The following FHIT variants were observed in gnomAD, a reference collection of about 807,000 sequenced individuals.
The protein encoded by FHIT is bis(5'-adenosyl)-triphosphatase.
FHIT carries 19 observed loss-of-function variants against 17.9 expected under a neutral mutation model. The ratio of observed to expected loss-of-function variants is 1.06; its 90% CI spans 0.74 to 1.56. The LOEUF is 1.56. Ranked by LOEUF, FHIT falls within the 40% of genes most tolerant of loss-of-function variation. The pLI is 0.00. For missense variants in FHIT, 248 were observed against 189.2 expected, an observed-to-expected ratio of 1.31 and a Z score of -1.82; for synonymous variants, 81 against 69.7, an observed-to-expected ratio of 1.16 and a Z score of -0.81.
intron 2 of FHIT, among the ~76,000 whole-genome samples, chr3:61,092,501 A>AT (rs1365167172): frequency 2.0e-4 from 30 of 150,460 alleles, no homozygotes; most frequent in Non-Finnish European, 3.8e-4. Context: ...TGTCCCTTAA[A>AT]AATATATATA....
At chr3:59,976,682 G>C (rs1274546448) in intron 7 of FHIT, among the ~76,000 whole-genome samples, 1 of 151,976 alleles carries the variant, frequency 6.6e-6, no homozygotes, top group Non-Finnish European at 1.5e-5. Context: ...AAATCAAATC[G>C]ATATTTGCCT....
At chr3:59,875,848 C>T (rs570057283) in intron 8 of FHIT, among the ~76,000 whole-genome samples, 4 of 151,682 alleles carry the variant, frequency 2.6e-5, no homozygotes, top group South Asian at 4.2e-4. Context: ...GCCAGCCATG[C>T]GTCAGCCATG....
chr3:61,076,213 G>A (rs939341360), intron 2 of FHIT, among the ~76,000 whole-genome samples: 10 of 152,170 alleles, frequency 6.6e-5, no homozygotes, highest in African/African-American at 2.2e-4. Context: ...AAAAACAAGC[G>A]ATGCAGAGGG....
intron 8 of FHIT, among the ~76,000 whole-genome samples, chr3:59,778,055 T>C (rs1268696349): frequency 6.6e-6 from 1 of 152,218 alleles, no homozygotes; most frequent in Non-Finnish European, 1.5e-5. Context: ...TGTGTTTAAT[T>C]GGTTTTTTCT....
chr3:60,011,988 C>T (rs1023073030), intron 6 of FHIT, among the ~76,000 whole-genome samples: 7 of 152,098 alleles, frequency 4.6e-5, no homozygotes, highest in African/African-American at 1.7e-4. Flanking sequence ...TAATATAAAG[C>T]AAAAGCAGAT....
chr3:59,934,307 T>C (rs923913433), intron 7 of FHIT, among the ~76,000 whole-genome samples: 1 of 152,130 alleles, frequency 6.6e-6, no homozygotes, highest in South Asian at 2.1e-4. Context: ...CATCCAAGTG[T>C]GATACTACTA....
chr3:60,814,032 A>G (rs1701652784), intron 4 of FHIT, among the ~76,000 whole-genome samples: 1 of 152,004 alleles, frequency 6.6e-6, no homozygotes, highest in Admixed American at 6.6e-5. Context: ...TTTTTTATAC[A>G]TTCTAATCAT....
intron 4 of FHIT, among the ~76,000 whole-genome samples, chr3:60,600,413 G>A (rs2038405401): frequency 6.6e-6 from 1 of 152,010 alleles, no homozygotes; most frequent in African/African-American, 2.4e-5. Context: ...AGTAAGGCAG[G>A]ATTACAGAAT....
intron 4 of FHIT, among the ~76,000 whole-genome samples, chr3:60,551,145 T>C (rs2036532683): frequency 6.6e-6 from 1 of 151,828 alleles, no homozygotes; most frequent in East Asian, 2.0e-4. Flanking sequence ...GAGTGTGGGG[T>C]GGAGCCTAAC....
intron 4 of FHIT, among the ~76,000 whole-genome samples, chr3:60,686,748 G>A (rs542573087): frequency 6.6e-5 from 10 of 152,082 alleles, no homozygotes; most frequent in African/African-American, 2.2e-4. Context: ...CAGTAGCTGG[G>A]GTTGCTCCAA....
At chr3:59,792,880 G>GGC (rs1009352326) in intron 8 of FHIT, among the ~76,000 whole-genome samples, 1 of 146,684 alleles carries the variant, frequency 6.8e-6, no homozygotes, top group African/African-American at 2.5e-5. Context: ...TTTGGGGGGG[G>GGC]GGGTCATGAA....
At chr3:60,189,848 G>C (rs1332256688) in intron 5 of FHIT, among the ~76,000 whole-genome samples, 1 of 152,164 alleles carries the variant, frequency 6.6e-6, no homozygotes, top group Non-Finnish European at 1.5e-5. Flanking sequence ...GAGTTGGTTG[G>C]TTAGGTTCTT....
intron 5 of FHIT, among the ~76,000 whole-genome samples, chr3:60,125,761 G>A (rs990082165): frequency 4.6e-5 from 7 of 152,048 alleles, no homozygotes; most frequent in Non-Finnish European, 1.0e-4. Flanking sequence ...AGACACTCGG[G>A]AGGACTGCAT....
intron 8 of FHIT, among the ~76,000 whole-genome samples, chr3:59,802,153 T>TA (rs1485007549): frequency 6.8e-6 from 1 of 147,238 alleles, no homozygotes; most frequent in African/African-American, 2.5e-5. Context: ...TTAAAAGATT[T>TA]AAAAAATAAT....
At chr3:61,079,352 T>C (rs1417321194) in intron 2 of FHIT, among the ~76,000 whole-genome samples, 1 of 152,138 alleles carries the variant, frequency 6.6e-6, no homozygotes, top group Non-Finnish European at 1.5e-5. Context: ...GAGGACACTA[T>C]AGTGTTTCTG....
intron 5 of FHIT, among the ~76,000 whole-genome samples, chr3:60,202,823 C>T (rs1255154229): frequency 2.0e-5 from 3 of 152,028 alleles, no homozygotes; most frequent in Non-Finnish European, 2.9e-5. Context: ...GCCATGACAA[C>T]CTGAGGCACA....
At position 60,091,651 on chromosome 3, in the gene FHIT, G is replaced by C. The variant is rs72880859; in HGVS notation, c.104-77499C>G. ...ACGGTGAGAGGTGATTTGATCATGGGGGCGGTTTCTCACGAATGGTTTCGC... is the reference window on the plus strand; with the variant it reads ...ACGGTGAGAGGTGATTTGATCATGGCGGCGGTTTCTCACGAATGGTTTCGC... On this transcript the variant is annotated intron_variant, in intron 5 of 9. Coordinates refer to ENST00000492590, the MANE Select transcript of FHIT (RefSeq NM_002012.4). Among the ~76,000 whole-genome samples the C allele has an allele frequency of 2.2e-3, 333 of 152,268 alleles. 1 individual carries two copies. Among genetic ancestry groups the C allele is most frequent in the African/African-American group, 7.6e-3 (314 of 41,550 alleles).
At position 60,582,658 on chromosome 3, in the gene FHIT, G is replaced by T. The variant is rs2037784815; in HGVS notation, c.-17-45679C>A. ...AATGTGTATTCTATGTGAAGATACT[G>T]CCAAATTAAAGGTTTATTTCTGTCT... On this transcript the variant is annotated intron_variant, in intron 4 of 9. Coordinates refer to ENST00000492590, the MANE Select transcript of FHIT (RefSeq NM_002012.4). Among the ~76,000 whole-genome samples, 3 of 152,010 alleles carry T rather than the reference G, an allele frequency of 2.0e-5. No individual in the cohort carries two copies. The South Asian group carries it at 6.2e-4, about 31-fold the overall frequency.
In FHIT at chr3:60,087,287, G is replaced by A. The variant is rs1405185464; in HGVS notation, c.104-73135C>T. ...TGGGCCTATGATAGGAGGGGTGGTT[G>A]TGAAGATCTTTGAAATGCCTTAAGG... On this transcript the variant is annotated intron_variant, in intron 5 of 9. Coordinates refer to ENST00000492590, the MANE Select transcript of FHIT (RefSeq NM_002012.4). Among the ~76,000 whole-genome samples the A allele has an allele frequency of 4.6e-5, 7 of 152,174 alleles. No individual in the cohort carries two copies. In the South Asian group the frequency reaches 1.0e-3, roughly 22 times the overall value.
Sources: allele counts gnomAD v4.1 joint callset (sites outside exome capture counted in the v4.1 genomes callset), GRCh38; gene constraint gnomAD v4.1.1; transcripts MANE v1.5; gene names NCBI Gene and HGNC (gene_info 2026-07-23, HGNC 2026-07-21).